Variants in PLEKHG4B observed in about 807,000 individuals in gnomAD.
PLEKHG4B encodes pleckstrin homology domain-containing family G member 4B.
A neutral mutation model predicts 121.3 loss-of-function variants in PLEKHG4B; 111 were observed. The ratio of observed to expected loss-of-function variants is 0.92; its 90% CI spans 0.78 to 1.07. The LOEUF (loss-of-function observed/expected upper bound fraction) is 1.07, where lower values mean the gene tolerates loss of function less well. Among genes scored for constraint, PLEKHG4B ranks in the 50% least tolerant of loss-of-function variants. The pLI is 0.00. For missense variants in PLEKHG4B, 1,831 were observed against 1,757.8 expected (o/e 1.04, Z -0.74); for synonymous variants, 738 against 725.0 (o/e 1.02, Z -0.29).
chr5:109,341 G>A (rs540148211), intron 1 of PLEKHG4B, among the ~76,000 whole-genome samples: 2 of 144,492 alleles, frequency 1.4e-5, no homozygotes, highest in East Asian at 4.0e-4. Flanking sequence ...AGGTTGCAGT[G>A]AGCCTAGATC....
In PLEKHG4B at chr5:143,207, G is replaced by A; in HGVS notation, c.1638G>A (p.Val546=). Reference sequence around the variant, plus strand: ...TCCCCAGCCAGGTGCCCAAGCAGGTGCTGGACGTCAGTCAGGAGCTGCTGC... The same window carrying A: ...TCCCCAGCCAGGTGCCCAAGCAGGTACTGGACGTCAGTCAGGAGCTGCTGC... The part of the protein sequence containing the change: ...GDFPSQVPKQ[V]LDVSQELLQS... Residue 546 remains valine, a synonymous_variant, in exon 4 of 20, where the codon GTG becomes GTA. Coordinates refer to ENST00000637938, the MANE Select transcript of PLEKHG4B (RefSeq NM_052909.5). 6.2e-7 allele frequency: 1 copy of A among 1,611,312 alleles called. No homozygotes were observed. Among genetic ancestry groups the A allele is most frequent in the Non-Finnish European group, 8.5e-7 (1 of 1,180,012 alleles).
intron 1 of PLEKHG4B, among the ~76,000 whole-genome samples, chr5:111,466 T>G (rs115247878): frequency 6.6e-6 from 1 of 152,222 alleles, no homozygotes; most frequent in African/African-American, 2.4e-5. Context: ...TCCTTCCTTA[T>G]GTCGGGCGGT....
intron 2 of PLEKHG4B, among the ~76,000 whole-genome samples, chr5:114,497 AC>A (rs1734247780): frequency 6.6e-6 from 1 of 152,022 alleles, no homozygotes; most frequent in Non-Finnish European, 1.5e-5. Flanking sequence ...TTGCTCTGTC[AC>A]CCAGGCTGGA....
intron 1 of PLEKHG4B, among the ~76,000 whole-genome samples, chr5:98,403 A>G (rs1241330339): frequency 1.5e-5 from 2 of 130,214 alleles, no homozygotes; most frequent in Non-Finnish European, 3.3e-5. Flanking sequence ...TTCTTTTGTC[A>G]GTACCACATT....
At chr5:153,075 C>A (rs1023595171) in intron 7 of PLEKHG4B, among the ~76,000 whole-genome samples, 2 of 152,194 alleles carry the variant, frequency 1.3e-5, no homozygotes, top group African/African-American at 4.8e-5. Flanking sequence ...AATACATTTA[C>A]CCAGTGAATG....
At chr5:122,678 C>G (rs1734504105) in intron 2 of PLEKHG4B, among the ~76,000 whole-genome samples, 1 of 152,048 alleles carries the variant, frequency 6.6e-6, no homozygotes, top group African/African-American at 2.4e-5. Flanking sequence ...CCTCGGCCTC[C>G]CAAAGTGCTG....
rs74281592 is a variant in PLEKHG4B at position 183,991 on chromosome 5, C to CGATAGATAGATAGATAGATAGATA, written c.*1683_*1706dup. ...CAGACAGATAGATAGATAGATAGATCGATAGATAGATAGATAGATAGATAG... is the reference window on the plus strand; with the variant it reads ...CAGACAGATAGATAGATAGATAGATCGATAGATAGATAGATAGATAGATAGATAGATAGATAGATAGATAGATAG... On this transcript the variant is annotated 3_prime_UTR_variant, in exon 20 of 20. Coordinates refer to ENST00000637938, the MANE Select transcript of PLEKHG4B (RefSeq NM_052909.5). 2.9e-5 allele frequency: 3 copies of CGATAGATAGATAGATAGATAGATA among 104,708 alleles called. No individual in the cohort carries two copies. Among genetic ancestry groups the CGATAGATAGATAGATAGATAGATA allele is most frequent in the African/African-American group, 8.8e-5 (3 of 34,228 alleles). The allele number at this position is 104,708 out of a possible 1,614,324, so 6.5% of individuals were successfully genotyped here. A position where few individuals can be genotyped will look rare whatever the true frequency, so the allele number is the denominator to read the frequency against.
intron 2 of PLEKHG4B, among the ~76,000 whole-genome samples, chr5:127,790 G>A (rs7733335): frequency 0.19 from 28,265 of 152,148 alleles, 3,607 homozygotes; most frequent in African/African-American, 0.36. Context: ...GAGTGACTAT[G>A]GCCCCTGATA....
rs1287950640 is a variant in PLEKHG4B, at chr5:182,490, C to T, written c.*167C>T. Reference sequence around the variant, plus strand: ...TATTTCCCAGGATTTTAGACATTCCCTAACATTTTCAAACAAATTTATAAT... The same window carrying T: ...TATTTCCCAGGATTTTAGACATTCCTTAACATTTTCAAACAAATTTATAAT... On this transcript the variant is annotated 3_prime_UTR_variant, in exon 20 of 20. Transcript: ENST00000637938. 9 of 666,254 alleles carry T rather than the reference C, an allele frequency of 1.4e-5. No individual in the cohort carries two copies. The Admixed American group carries it at 1.5e-4, about 11-fold the overall frequency. 41.3% of individuals were successfully genotyped at this position (666,254 alleles called of 1,614,324 possible).
rs1322339832 is a variant in PLEKHG4B at position 163,540 on chromosome 5, G to A, written c.3468G>A (p.Gln1156=). ...LHPAEEDGRQ[Q]VGSSRLRHIM... ...CTGCTGAGGAGGATGGGAGGCAGCA[G>A]GTGGGCAGGTGAGGTGGACGTCCCC... Residue 1156 remains glutamine, a synonymous_variant, in exon 13 of 20, where the codon CAG becomes CAA. Transcript: ENST00000637938. The A allele has an allele frequency of 6.3e-6, 10 of 1,591,278 alleles. No homozygotes were observed. The highest frequency in any genetic ancestry group is 7.7e-6 in the Non-Finnish European group (9 of 1,168,712).
intron 1 of PLEKHG4B, among the ~76,000 whole-genome samples, chr5:96,520 G>T (rs1733631409): frequency 6.6e-6 from 1 of 152,164 alleles, no homozygotes; most frequent in African/African-American, 2.4e-5. Context: ...TTGTAGAAGT[G>T]CCCAAATTAT....
intron 1 of PLEKHG4B, among the ~76,000 whole-genome samples, chr5:109,588 C>T (rs932408644): frequency 1.3e-5 from 2 of 152,080 alleles, no homozygotes; most frequent in African/African-American, 2.4e-5. Flanking sequence ...GGGCTGTGTC[C>T]CCTGTGGGCG....
chr5:168,029 A>G lies in PLEKHG4B; in HGVS notation c.3477-1311A>G, dbSNP rs1189574511. ...ACCACACTGGCCAGCCCACCTCTCC[A>G]CTCTCTCAGGGCAACACGAGTGGAT... On this transcript the variant is annotated intron_variant, in intron 13 of 19. Transcript: ENST00000637938. Among the ~76,000 whole-genome samples the G allele has an allele frequency of 2.0e-5, 3 of 152,194 alleles. No homozygotes were observed. The East Asian group carries it at 5.8e-4, about 29-fold the overall frequency.
Position 163,294 on chromosome 5 carries a change from TC to T in PLEKHG4B, c.3226del (p.Gln1076ArgfsTer4), listed in dbSNP as rs1198843097. The T allele has an allele frequency of 1.2e-6, 2 of 1,613,144 alleles. No homozygotes were observed. Among genetic ancestry groups the T allele is most frequent in the Admixed American group, 1.7e-5 (1 of 60,008 alleles). On this transcript the variant is annotated frameshift_variant, in exon 13 of 20. Coordinates refer to ENST00000637938, the MANE Select transcript of PLEKHG4B (RefSeq NM_052909.5). LOFTEE classifies it high-confidence loss of function. ...QTLASRPRKHPQKKMIKKTQS... is the reference protein window; with the variant it reads ...QTLASRPRKHXQKKMIKKTQS... ...CCCTGGCCAGCCGCCCCAGGAAACA[TC>T]CCCAGAAGAAAATGATAAAGAAAAC...
chr5:189,235 C>T lies in PLEKHG4B; in HGVS notation c.*6912C>T, dbSNP rs1012870681. On this transcript the variant is annotated 3_prime_UTR_variant, in exon 20 of 20. Coordinates refer to ENST00000637938, the MANE Select transcript of PLEKHG4B (RefSeq NM_052909.5). ...GCTGCAGACCCCCATGCTCCTGCAG[C>T]CTGGAACCCTCCTGCCCTCCAAAGG... The T allele has an allele frequency of 1.3e-5, 2 of 152,426 alleles. No homozygotes were observed. Among genetic ancestry groups the T allele is most frequent in the African/African-American group, 2.4e-5 (1 of 41,470 alleles). 9.4% of individuals were successfully genotyped at this position (152,426 alleles called of 1,614,324 possible). A position where few individuals can be genotyped will look rare whatever the true frequency, so the allele number is the denominator to read the frequency against.
intron 13 of PLEKHG4B, 22 bp from the exon 14 acceptor site, chr5:169,318 C>T (rs1736458022): frequency 6.2e-7 from 1 of 1,612,786 alleles, no homozygotes. Flanking sequence ...CGTGTGCCCC[C>T]CGGGATCTCT....
At chr5:104,836 G>A (rs1482582852) in intron 1 of PLEKHG4B, among the ~76,000 whole-genome samples, 5 of 152,246 alleles carry the variant, frequency 3.3e-5, no homozygotes, top group Non-Finnish European at 7.3e-5. Flanking sequence ...AATCATATCT[G>A]TGGTTTTTCA....
chr5:165,231 A>G (rs576128267), intron 13 of PLEKHG4B, among the ~76,000 whole-genome samples: 44 of 19,552 alleles, frequency 2.3e-3, no homozygotes, highest in African/African-American at 3.5e-3. Context: ...GACGGGGCGG[A>G]GCTCACACTA....
chr5:146,058 C>G (rs555520999), intron 6 of PLEKHG4B, among the ~76,000 whole-genome samples: 2 of 151,370 alleles, frequency 1.3e-5, no homozygotes, highest in African/African-American at 4.9e-5. Flanking sequence ...CTCCTCTCCC[C>G]CTCCATGGTC....
Sources: allele counts gnomAD v4.1 joint callset (sites outside exome capture counted in the v4.1 genomes callset), GRCh38; gene constraint gnomAD v4.1.1; transcripts MANE v1.5; gene names NCBI Gene and HGNC (gene_info 2026-07-23, HGNC 2026-07-21).